Variants in PLVAP observed in about 807,000 individuals in gnomAD.
PLVAP encodes plasmalemma vesicle associated protein.
In PLVAP, 34 loss-of-function variants were observed where a neutral mutation model predicts 43.1. That is an observed-to-expected ratio of 0.79 (90% CI 0.60 to 1.05). PLVAP has a LOEUF of 1.05. Ranked by LOEUF, PLVAP falls within the 50% of genes least tolerant of loss-of-function variation. The probability of loss-of-function intolerance (pLI) is 0.00; values close to 1 mark genes in which losing one functional copy is unlikely to be tolerated. For synonymous variants in PLVAP, 241 were observed against 237.3 expected (o/e 1.02, Z -0.14); for missense variants, 574 against 593.4 (o/e 0.97, Z 0.34).
chr19:17,373,106 A>G (rs2074580678), intron 1 of PLVAP, among the ~76,000 whole-genome samples: 1 of 106,282 alleles, frequency 9.4e-6, no homozygotes, highest in Admixed American at 9.3e-5. Context: ...AAGAAAAGAC[A>G]CCAGTTAGCC....
chr19:17,352,300 C>T lies in PLVAP; in HGVS notation c.*62G>A, dbSNP rs2074489323. On this transcript the variant is annotated 3_prime_UTR_variant, in exon 6 of 6. Transcript: ENST00000252590. The stretch of plus-strand genomic sequence containing the variant: ...GTTGTGTCGGGCGCTGTGAGCATAT[C>T]CCTGCATCCTCCGCAAACCGCCGAG... The T allele has an allele frequency of 6.2e-7, 1 of 1,605,132 alleles. No homozygotes were observed.
At position 17,372,617 on chromosome 19, in the gene PLVAP, T is replaced by C. The variant is rs534561837; in HGVS notation, c.369+4303A>G. ...GACTACAGGCGCCCACCACCACACCTGGCTAATTTTTCGTATTTTTAGTAG... is the reference window on the plus strand; with the variant it reads ...GACTACAGGCGCCCACCACCACACCCGGCTAATTTTTCGTATTTTTAGTAG... On this transcript the variant is annotated intron_variant, in intron 1 of 5. Transcript: ENST00000252590. Among the ~76,000 whole-genome samples, 1,081 of 148,748 alleles carry C rather than the reference T, an allele frequency of 7.3e-3. 5 individuals carry two copies. The highest frequency in any genetic ancestry group is 0.012 in the Non-Finnish European group (800 of 66,924).
At chr19:17,376,516 G>C (rs897860264) in intron 1 of PLVAP, among the ~76,000 whole-genome samples, 1 of 151,916 alleles carries the variant, frequency 6.6e-6, no homozygotes, top group African/African-American at 2.4e-5. Flanking sequence ...AAAATCTATC[G>C]GCCGGGTGCA....
At position 17,365,823 on chromosome 19, in the gene PLVAP, G is replaced by A. The variant is rs1447801165; in HGVS notation, c.642C>T (p.Ala214=). The change falls in exon 3 of 6, where the codon GCC becomes GCT. Residue 214 remains alanine (A), a synonymous_variant. Coordinates refer to ENST00000252590, the MANE Select transcript of PLVAP (RefSeq NM_031310.3). The part of the protein sequence containing the change: ...RELQHQERQL[A]KEQLQKVQAL... ...CTTGCACCTTTTGCAGTTGCTCCTT[G>A]GCCAGCTGGCGCTCTTGGTGCTGCA... The A allele has an allele frequency of 1.2e-6, 2 of 1,614,062 alleles. No homozygotes were observed. Among genetic ancestry groups the A allele is most frequent in the Non-Finnish European group, 1.7e-6 (2 of 1,180,052 alleles).
chr19:17,360,884 G>T (rs2074525597), intron 3 of PLVAP, 52 bp from the exon 4 acceptor site: 1 of 1,458,372 alleles, frequency 6.9e-7, no homozygotes, highest in South Asian at 1.2e-5. Flanking sequence ...TTCCCAGACA[G>T]GCTTCTGCCT....
chr19:17,369,249 G>T (rs933554232), intron 1 of PLVAP, among the ~76,000 whole-genome samples: 1 of 151,034 alleles, frequency 6.6e-6, no homozygotes, highest in Non-Finnish European at 1.5e-5. Flanking sequence ...GCAGTGGCAC[G>T]ATCTCGGCTC....
Position 17,373,730 on chromosome 19 carries a change from G to A in PLVAP, c.369+3190C>T, listed in dbSNP as rs1422653441. 7.2e-5 allele frequency among the ~76,000 whole-genome samples: 11 copies of A among 152,238 alleles called. No homozygotes were observed. The East Asian group carries it at 1.6e-3, about 21-fold the overall frequency. The stretch of plus-strand genomic sequence containing the variant: ...TCTAGTGAGTTTGACACAAGCCGGG[G>A]TGCGAGAGTGGCGCGATGGTCTCCA... On this transcript the variant is annotated intron_variant, in intron 1 of 5. Coordinates refer to ENST00000252590, the MANE Select transcript of PLVAP (RefSeq NM_031310.3).
chr19:17,367,129 A>G (rs2074553618), intron 1 of PLVAP, among the ~76,000 whole-genome samples: 1 of 150,726 alleles, frequency 6.6e-6, no homozygotes, highest in Non-Finnish European at 1.5e-5. Flanking sequence ...TTTTCCTTAG[A>G]GATGGGGGTT....
chr19:17,354,877 G>A lies in PLVAP; in HGVS notation c.1323-2509C>T, dbSNP rs2074500231. Reference sequence around the variant, plus strand: ...CGTGCCACTGCACTCCAGCCTGGGTGACAGAGCAAGACTCCGTCTCAAAAA... The same window carrying A: ...CGTGCCACTGCACTCCAGCCTGGGTAACAGAGCAAGACTCCGTCTCAAAAA... On this transcript the variant is annotated intron_variant, in intron 5 of 5. Coordinates refer to ENST00000252590, the MANE Select transcript of PLVAP (RefSeq NM_031310.3). 6.2e-5 allele frequency among the ~76,000 whole-genome samples: 9 copies of A among 144,312 alleles called. No individual in the cohort carries two copies. In the South Asian group the frequency reaches 2.0e-3, roughly 32 times the overall value. The allele number at this position is 144,312 out of a possible 152,430, so 94.7% of individuals were successfully genotyped here.
intron 3 of PLVAP, among the ~76,000 whole-genome samples, chr19:17,363,200 T>A (rs1012800913): frequency 3.9e-5 from 6 of 152,194 alleles, no homozygotes; most frequent in African/African-American, 1.4e-4. Flanking sequence ...TCTTGCTGTG[T>A]CACCCAGGCT....
intron 1 of PLVAP, among the ~76,000 whole-genome samples, chr19:17,373,875 C>G (rs1250777816): frequency 6.6e-6 from 1 of 152,076 alleles, no homozygotes; most frequent in Admixed American, 6.6e-5. Context: ...TTTAAAACTT[C>G]TGCTGCCCAG....
rs1276157329 is a variant in PLVAP at position 17,371,453 on chromosome 19, G to A, written c.370-5258C>T. On this transcript the variant is annotated intron_variant, in intron 1 of 5. Coordinates refer to ENST00000252590, the MANE Select transcript of PLVAP (RefSeq NM_031310.3). ...TTCCCAAAGTGCTGGAATTACAGAC[G>A]TGAGCTGCCACGCCCGGCCAGCTAT... Among the ~76,000 whole-genome samples, 7 of 152,082 alleles carry A rather than the reference G, an allele frequency of 4.6e-5. No individual in the cohort carries two copies. In the East Asian group the frequency reaches 5.8e-4, roughly 13 times the overall value.
At position 17,377,253 on chromosome 19, in the gene PLVAP, AGC is replaced by A; in HGVS notation, c.34_35del (p.Ala12SerfsTer110). 6.2e-7 allele frequency: 1 copy of A among 1,613,610 alleles called. No individual in the cohort carries two copies. Among genetic ancestry groups the A allele is most frequent in the Non-Finnish European group, 8.5e-7 (1 of 1,179,806 alleles). Reference protein sequence around the residue: ...GLAMEHGGSYARAGGSSRGCW... With the variant: ...GLAMEHGGSYXRAGGSSRGCW... Reference sequence around the variant, plus strand: ...AGCCCCGAGAGCTGCCCCCCGCCCGAGCGTAGGACCCTCCGTGCTCCATGGCC... The same window carrying A: ...AGCCCCGAGAGCTGCCCCCCGCCCGAGTAGGACCCTCCGTGCTCCATGGCC... On this transcript the variant is annotated frameshift_variant, in exon 1 of 6. Coordinates refer to ENST00000252590, the MANE Select transcript of PLVAP (RefSeq NM_031310.3). LOFTEE classifies it high-confidence loss of function.
At chr19:17,360,857 T>C in intron 3 of PLVAP, 25 bp from the exon 4 acceptor site, 6 of 1,601,862 alleles carry the variant, frequency 3.7e-6, no homozygotes, top group Non-Finnish European at 5.1e-6. Context: ...TGGAGGGAGG[T>C]TGGTAGGAGC....
At position 17,365,282 on chromosome 19, in the gene PLVAP, C is replaced by T; in HGVS notation, c.1179+4G>A. ...CAGCCTCCCTCTGGGGCCTGCAAGC[C>T]CACCTTGGTCTTGATGCAGGTGTCC... On this transcript the variant is annotated splice_donor_region_variant and intron_variant, in intron 3 of 5. Coordinates refer to ENST00000252590, the MANE Select transcript of PLVAP (RefSeq NM_031310.3). The T allele has an allele frequency of 1.2e-6, 2 of 1,603,642 alleles. No homozygotes were observed. The highest frequency in any genetic ancestry group is 1.7e-6 in the Non-Finnish European group (2 of 1,174,086).
rs534119129 is a variant in PLVAP at position 17,361,135 on chromosome 19, C to T, written c.1180-303G>A. ...TTCACTATGTTGGCCAGGCTGGTCT[C>T]GAACTCCTGACCTCAGGTGATCTGC... On this transcript the variant is annotated intron_variant, in intron 3 of 5. Coordinates refer to ENST00000252590, the MANE Select transcript of PLVAP (RefSeq NM_031310.3). 7.8e-4 allele frequency among the ~76,000 whole-genome samples: 118 copies of T among 152,028 alleles called. 2 individuals carry two copies. The South Asian group carries it at 0.023, about 30-fold the overall frequency.
chr19:17,356,391 C>T (rs74253216), intron 5 of PLVAP, among the ~76,000 whole-genome samples: 5 of 152,216 alleles, frequency 3.3e-5, no homozygotes, highest in Admixed American at 6.5e-5. Context: ...CGTCGGCCAT[C>T]GATTTGGGAA....
chr19:17,373,176 A>G (rs1460186511), intron 1 of PLVAP, among the ~76,000 whole-genome samples: 2 of 149,630 alleles, frequency 1.3e-5, no homozygotes, highest in East Asian at 4.0e-4. Flanking sequence ...GGCAGGCAGG[A>G]CCCTATTGGG....
chr19:17,369,437 C>G (rs558969996), intron 1 of PLVAP, among the ~76,000 whole-genome samples: 6 of 148,160 alleles, frequency 4.0e-5, no homozygotes, highest in Non-Finnish European at 9.0e-5. Flanking sequence ...CTGCCCACCA[C>G]CAGCCTGGCC....
Sources: gnomAD v4.1 joint callset for allele counts (sites outside exome capture counted in the v4.1 genomes callset) on GRCh38, gnomAD v4.1.1 for gene constraint, MANE v1.5 for transcripts, NCBI Gene and HGNC (gene_info 2026-07-23, HGNC 2026-07-21) for gene names.